The following ATP2C2 variants were observed in gnomAD, a reference collection of about 807,000 sequenced individuals.
ATP2C2 encodes the protein calcium-transporting ATPase type 2C member 2.
Under a neutral mutation model 110.8 loss-of-function variants are expected in ATP2C2, and 171 were observed. The observed-to-expected ratio is 1.54, with a 90% CI of 1.36 to 1.75. ATP2C2 has a LOEUF of 1.75. ATP2C2 is among the 40% of genes most tolerant of loss of function. The probability of loss-of-function intolerance (pLI) is 0.00; values close to 1 mark genes in which losing one functional copy is unlikely to be tolerated. For synonymous variants in ATP2C2, 804 were observed against 508.4 expected (o/e 1.58, Z -7.82); for missense variants, 1,963 against 1,235.0 (o/e 1.59, Z -8.84).
intron 2 of ATP2C2, chr16:84,404,915 G>T: frequency 1.5e-6 from 1 of 665,880 alleles, no homozygotes. Flanking sequence ...CGTCTTTTCT[G>T]CTGTAATTAT....
intron 17 of ATP2C2, among the ~76,000 whole-genome samples, chr16:84,449,356 C>T (rs77365704): frequency 1.3e-5 from 2 of 152,224 alleles, no homozygotes; most frequent in East Asian, 1.9e-4. Context: ...GTGAAGCCAG[C>T]GCCGAGCACG....
intron 11 of ATP2C2, among the ~76,000 whole-genome samples, chr16:84,433,683 AAC>A (rs71994851): frequency 0.11 from 16,289 of 150,380 alleles, 1,568 homozygotes; most frequent in African/African-American, 0.26. Flanking sequence ...ACAACAACAA[AAC>A]ACACACACAC....
intron 1 of ATP2C2, among the ~76,000 whole-genome samples, chr16:84,386,003 A>G (rs368332212): frequency 6.6e-5 from 10 of 152,232 alleles, no homozygotes; most frequent in Non-Finnish European, 1.0e-4. Context: ...AATTTGGCCA[A>G]CGGGAACCCT....
rs547049951 is a variant in ATP2C2 at position 84,402,485 on chromosome 16, C to A, written c.211-2643C>A. ...ACATTGAGACATGTTCCTTCTATAC[C>A]TAGTTTTTTTAGGGTTTTTATTATG... On this transcript the variant is annotated intron_variant, in intron 2 of 26. Coordinates refer to ENST00000262429, the MANE Select transcript of ATP2C2 (RefSeq NM_014861.4). 1.5e-4 allele frequency among the ~76,000 whole-genome samples: 23 copies of A among 152,178 alleles called. No homozygotes were observed. In the East Asian group the frequency reaches 3.1e-3, roughly 20 times the overall value.
At chr16:84,448,959 C>T (rs1008287215) in intron 17 of ATP2C2, among the ~76,000 whole-genome samples, 1 of 152,200 alleles carries the variant, frequency 6.6e-6, no homozygotes, top group African/African-American at 2.4e-5. Context: ...ATGGGCTGCA[C>T]CCCAAACATT....
intron 2 of ATP2C2, among the ~76,000 whole-genome samples, chr16:84,400,485 C>T (rs1164731034): frequency 6.6e-6 from 1 of 152,062 alleles, no homozygotes; most frequent in African/African-American, 2.4e-5. Context: ...TGCCACCATG[C>T]CTGGCTAATT....
chr16:84,463,604 C>G lies in ATP2C2; in HGVS notation c.2723-10C>G. ...CCGTCCTGAATCTTTTCTGTTTTCT[C>G]CCTTGGCAGATTTGCTGTTTTTAAC... On this transcript the variant is annotated splice_polypyrimidine_tract_variant and intron_variant, in intron 26 of 26. Transcript: ENST00000262429. The G allele has an allele frequency of 6.2e-7, 1 of 1,608,500 alleles. No homozygotes were observed. The highest frequency in any genetic ancestry group is 1.7e-4 in the Middle Eastern group (1 of 6,052).
chr16:84,410,091 C>A (rs1046585536), intron 4 of ATP2C2, among the ~76,000 whole-genome samples: 3 of 152,118 alleles, frequency 2.0e-5, no homozygotes, highest in African/African-American at 7.2e-5. Flanking sequence ...TGCCTGTGGT[C>A]CCAGCTACTT....
At chr16:84,415,319 C>T (rs970308625) in intron 6 of ATP2C2, among the ~76,000 whole-genome samples, 164 bp from the exon 7 acceptor site, 6 of 152,124 alleles carry the variant, frequency 3.9e-5, no homozygotes, top group African/African-American at 1.4e-4. Context: ...TCTCTAAAGT[C>T]TTATAGGATA....
rs191763930 is a variant in ATP2C2 at position 84,398,261 on chromosome 16, T to G, written c.100-238T>G. Among the ~76,000 whole-genome samples, 225 of 151,838 alleles carry G rather than the reference T, an allele frequency of 1.5e-3. 1 individual carries two copies. In the South Asian group the frequency reaches 0.02, roughly 13 times the overall value. On this transcript the variant is annotated intron_variant, in intron 1 of 26. Coordinates refer to ENST00000262429, the MANE Select transcript of ATP2C2 (RefSeq NM_014861.4). ...TACTAAAAATACCAAAAAAATTTAG[T>G]GGGGTGTGGTGATGCGTACCTGTAA...
intron 26 of ATP2C2, chr16:84,462,600 A>G: frequency 6.4e-6 from 1 of 156,228 alleles, no homozygotes. Context: ...TGGTTTTCCA[A>G]GGGCACACGC....
Position 84,422,440 on chromosome 16 carries a change from A to T in ATP2C2, c.675A>T (p.Pro225=), listed in dbSNP as rs766403810. The part of the protein sequence containing the change: ...DESSFTGEAE[P]CSKTDSPLTG... Reference sequence around the variant, plus strand: ...CCAGTTTCACCGGGGAAGCCGAGCCATGTAGTAAAACAGACAGCCCCTTGA... The same window carrying T: ...CCAGTTTCACCGGGGAAGCCGAGCCTTGTAGTAAAACAGACAGCCCCTTGA... The change falls in exon 8 of 27, where the codon CCA becomes CCT. Residue 225 remains proline (P), a synonymous_variant. Transcript: ENST00000262429. 3.7e-6 allele frequency: 6 copies of T among 1,614,140 alleles called. No homozygotes were observed. In the South Asian group the frequency reaches 5.5e-5, roughly 15 times the overall value.
rs1196624033 is a variant in ATP2C2 at position 84,458,245 on chromosome 16, C to CA, written c.2148-869dup. Among the ~76,000 whole-genome samples the CA allele has an allele frequency of 1.1e-4, 9 of 80,088 alleles. 1 individual carries two copies. Among genetic ancestry groups the CA allele is most frequent in the African/African-American group, 4.4e-4 (9 of 20,302 alleles). The allele number at this position is 80,088 out of a possible 152,430, so 52.5% of individuals were successfully genotyped here. On this transcript the variant is annotated intron_variant, in intron 21 of 26. Coordinates refer to ENST00000262429, the MANE Select transcript of ATP2C2 (RefSeq NM_014861.4). Reference sequence around the variant, plus strand: ...CATTCTCAGTAAACTATTGCAAGAACAAAAAACCAAACACCACATATTCTC... The same window carrying CA: ...CATTCTCAGTAAACTATTGCAAGAACAAAAAAACCAAACACCACATATTCTC...
At chr16:84,460,935 C>A (rs1597889078) in intron 24 of ATP2C2, 134 bp downstream of exon 24, 1 of 1,275,816 alleles carries the variant, frequency 7.8e-7, no homozygotes, top group Non-Finnish European at 1.1e-6. Context: ...CAATGTGATG[C>A]CATCAGAGGC....
intron 2 of ATP2C2, among the ~76,000 whole-genome samples, chr16:84,400,088 G>A (rs113176151): frequency 1.3e-5 from 2 of 152,172 alleles, no homozygotes; most frequent in Non-Finnish European, 2.9e-5. Flanking sequence ...TGTTGCAAAT[G>A]ACAGGATCTC....
intron 23 of ATP2C2, 104 bp from the exon 24 acceptor site, chr16:84,460,550 C>T (rs750235843): frequency 4.6e-6 from 7 of 1,523,852 alleles, no homozygotes; most frequent in Middle Eastern, 1.7e-4. Context: ...CCTGGCCCTG[C>T]CCCCTGTGCC....
Position 84,452,045 on chromosome 16 carries a change from T to C in ATP2C2, c.1785T>C (p.Ser595=). 1.2e-6 allele frequency: 2 copies of C among 1,613,472 alleles called. No homozygotes were observed. Among genetic ancestry groups the C allele is most frequent in the Non-Finnish European group, 1.7e-6 (2 of 1,179,930 alleles). ...AGGTTCTCTCCGAGTCTGGTGTGTCTGTGAAGATGATAACGGGGGATGCCC... is the reference window on the plus strand; with the variant it reads ...AGGTTCTCTCCGAGTCTGGTGTGTCCGTGAAGATGATAACGGGGGATGCCC... The part of the protein sequence containing the change: ...AVQVLSESGV[S]VKMITGDALE... The change falls in exon 18 of 27, where the codon TCT becomes TCC. Residue 595 remains serine, a synonymous_variant. Coordinates refer to ENST00000262429, the MANE Select transcript of ATP2C2 (RefSeq NM_014861.4).
chr16:84,424,124 C>T (rs915368226), intron 10 of ATP2C2, among the ~76,000 whole-genome samples: 1 of 152,238 alleles, frequency 6.6e-6, no homozygotes, highest in Non-Finnish European at 1.5e-5. Flanking sequence ...GCCTATAGCA[C>T]ATCTAGTGAT....
At chr16:84,416,873 G>C (rs1906881918) in intron 7 of ATP2C2, among the ~76,000 whole-genome samples, 1 of 152,226 alleles carries the variant, frequency 6.6e-6, no homozygotes, top group South Asian at 2.1e-4. Flanking sequence ...AAGGAGGACT[G>C]GGGAAGCTGG....
Sources: allele counts gnomAD v4.1 joint callset (sites outside exome capture counted in the v4.1 genomes callset), GRCh38; gene constraint gnomAD v4.1.1; transcripts MANE v1.5; gene names NCBI Gene and HGNC (gene_info 2026-07-23, HGNC 2026-07-21).